The following PYGO1 variants were observed in gnomAD, a reference collection of about 807,000 sequenced individuals.
PYGO1 encodes pygopus homolog 1.
PYGO1 carries 6 observed loss-of-function variants against 29.5 expected under a neutral mutation model. The ratio of observed to expected loss-of-function variants is 0.20; its 90% CI spans 0.11 to 0.40. The LOEUF is 0.40. Ranked by LOEUF, PYGO1 falls within the 10% of genes least tolerant of loss-of-function variation. PYGO1 has a pLI of 1.00. For missense variants in PYGO1, 515 were observed against 514.9 expected, an observed-to-expected ratio of 1.00 and a Z score of 0.00; for synonymous variants, 186 against 180.5, an observed-to-expected ratio of 1.03 and a Z score of -0.24.
At chr15:55,560,228 G>A (rs1388892341) in intron 1 of PYGO1, among the ~76,000 whole-genome samples, 3 of 152,092 alleles carry the variant, frequency 2.0e-5, no homozygotes, top group Non-Finnish European at 2.9e-5. Context: ...CAAATAGGAT[G>A]ATAATAAGTC....
chr15:55,558,666 C>A (rs962273797), intron 1 of PYGO1, among the ~76,000 whole-genome samples: 1 of 151,818 alleles, frequency 6.6e-6, no homozygotes, highest in African/African-American at 2.4e-5. Flanking sequence ...ACCAATGGAA[C>A]AGAACAGAGC....
rs1288720284 is a variant in PYGO1, at chr15:55,543,081, G to A, written c.*2942C>T. The A allele has an allele frequency of 6.6e-6, 1 of 151,572 alleles. No homozygotes were observed. The highest frequency in any genetic ancestry group is 6.6e-5 in the Admixed American group (1 of 15,192). The allele number at this position is 151,572 out of a possible 1,614,324, so 9.4% of individuals were successfully genotyped here. ...ATGTTGGAGAAACTGTGGGGGGTGT[G>A]TGTGTGTGTGTGTGTGTGTAAGATG... On this transcript the variant is annotated 3_prime_UTR_variant, in exon 3 of 3. Coordinates refer to ENST00000563719, the MANE Select transcript of PYGO1 (RefSeq NM_001367806.1).
chr15:55,555,388 C>G (rs370371767), intron 1 of PYGO1, among the ~76,000 whole-genome samples: 21 of 151,510 alleles, frequency 1.4e-4, no homozygotes, highest in African/African-American at 4.9e-4. Context: ...AAAACTGTTG[C>G]CAGCCAGTAC....
chr15:55,564,009 C>T (rs2058944477), intron 1 of PYGO1, among the ~76,000 whole-genome samples: 2 of 152,120 alleles, frequency 1.3e-5, no homozygotes, highest in Admixed American at 1.3e-4. Flanking sequence ...AACAGTTTGG[C>T]AGTTCCTCAA....
At chr15:55,582,310 G>A (rs1215702745) in intron 1 of PYGO1, among the ~76,000 whole-genome samples, 2 of 151,954 alleles carry the variant, frequency 1.3e-5, no homozygotes, top group Non-Finnish European at 2.9e-5. Flanking sequence ...CCCCAAGAGA[G>A]GGAATATGGT....
Position 55,564,805 on chromosome 15 carries a change from C to G in PYGO1, c.50-15810G>C, listed in dbSNP as rs112097876. Reference sequence around the variant, plus strand: ...AGTTCAAAAATCAGAAATTGGGCTGCGTTCTCTGCTCAGGATATCAAGGTA... The same window carrying G: ...AGTTCAAAAATCAGAAATTGGGCTGGGTTCTCTGCTCAGGATATCAAGGTA... On this transcript the variant is annotated intron_variant, in intron 1 of 2. Coordinates refer to ENST00000563719, the MANE Select transcript of PYGO1 (RefSeq NM_001367806.1). Among the ~76,000 whole-genome samples, 401 of 152,290 alleles carry G rather than the reference C, an allele frequency of 2.6e-3. 1 individual carries two copies. Among genetic ancestry groups the G allele is most frequent in the African/African-American group, 9.2e-3 (382 of 41,560 alleles).
chr15:55,581,975 G>A (rs1211351184), intron 1 of PYGO1, among the ~76,000 whole-genome samples: 2 of 149,342 alleles, frequency 1.3e-5, no homozygotes, highest in Middle Eastern at 3.4e-3. Context: ...GGGAGGCTGA[G>A]GTGGGCGGAT....
intron 1 of PYGO1, among the ~76,000 whole-genome samples, chr15:55,582,424 G>C (rs1252479872): frequency 6.6e-6 from 1 of 151,934 alleles, no homozygotes; most frequent in African/African-American, 2.4e-5. Flanking sequence ...TCCTTCATTA[G>C]CTGTAACACC....
intron 1 of PYGO1, among the ~76,000 whole-genome samples, chr15:55,568,320 CTG>C (rs58177433): frequency 0.053 from 6,677 of 125,772 alleles, 223 homozygotes; most frequent in African/African-American, 0.12. Context: ...TTCCTAGGTA[CTG>C]TGTGTGTGTG....
rs1003487050 is a variant in PYGO1, at chr15:55,543,106, G to C, written c.*2917C>G. ...GTGTGTGTGTGTGTGTGTGTAAGAT[G>C]AGGACTTTCAGTGAAGGAAAGGGAT... On this transcript the variant is annotated 3_prime_UTR_variant, in exon 3 of 3. Coordinates refer to ENST00000563719, the MANE Select transcript of PYGO1 (RefSeq NM_001367806.1). 10 of 149,050 alleles carry C rather than the reference G, an allele frequency of 6.7e-5. No homozygotes were observed. Among genetic ancestry groups the C allele is most frequent in the Admixed American group, 2.7e-4 (4 of 14,876 alleles). 9.2% of individuals were successfully genotyped at this position (149,050 alleles called of 1,614,324 possible). A position where few individuals can be genotyped will look rare whatever the true frequency, so the allele number is the denominator to read the frequency against.
chr15:55,565,791 C>CTTTTTTTTTTTTTTTTTTTTTTTTTTTT (rs2058953829), intron 1 of PYGO1, among the ~76,000 whole-genome samples: 3 of 151,854 alleles, frequency 2.0e-5, no homozygotes, highest in African/African-American at 7.2e-5. Flanking sequence ...GCCATTTTTT[C>CTTTTTTTTTTTTTTTTTTTTTTTTTTTT]TTTTCTTTTC....
rs2058843846 is a variant in PYGO1 at position 55,545,093 on chromosome 15, ACT to A, written c.*928_*929del. 7.4e-6 allele frequency: 1 copy of A among 135,910 alleles called. No individual in the cohort carries two copies. Among genetic ancestry groups the A allele is most frequent in the Non-Finnish European group, 1.7e-5 (1 of 59,134 alleles). The allele number at this position is 135,910 out of a possible 1,614,324, so 8.4% of individuals were successfully genotyped here. ...CCAGAACAAGATTTTTCAAACCACC[ACT>A]GAGTAGTTCTTTTACTAGCAGAGCC... On this transcript the variant is annotated 3_prime_UTR_variant, in exon 3 of 3. Transcript: ENST00000563719.
intron 1 of PYGO1, among the ~76,000 whole-genome samples, chr15:55,563,339 G>A (rs1371291120): frequency 6.6e-6 from 1 of 151,472 alleles, no homozygotes; most frequent in Non-Finnish European, 1.5e-5. Flanking sequence ...TTAGGGAGGA[G>A]GTGGTGGTTG....
intron 1 of PYGO1, among the ~76,000 whole-genome samples, chr15:55,585,403 AAT>A (rs1199708353): frequency 2.0e-5 from 3 of 152,298 alleles, no homozygotes; most frequent in African/African-American, 4.8e-5. Context: ...TGATGATATA[AAT>A]TACATTAAAT....
At chr15:55,573,008 TAAAA>T (rs35553781) in intron 1 of PYGO1, among the ~76,000 whole-genome samples, 1 of 137,636 alleles carries the variant, frequency 7.3e-6, no homozygotes, top group Non-Finnish European at 1.5e-5. Flanking sequence ...ACTCTGTCTT[TAAAA>T]AAAAAAAAAA....
chr15:55,574,177 T>C (rs1286365381), intron 1 of PYGO1, among the ~76,000 whole-genome samples: 1 of 152,204 alleles, frequency 6.6e-6, no homozygotes, highest in African/African-American at 2.4e-5. Context: ...TTTTTTACTG[T>C]GATGTGCAAT....
intron 1 of PYGO1, among the ~76,000 whole-genome samples, chr15:55,572,805 G>A (rs1408361111): frequency 6.6e-6 from 1 of 151,968 alleles, no homozygotes; most frequent in Non-Finnish European, 1.5e-5. Context: ...CTAGTCAACA[G>A]GGAAATCAAA....
rs748562151 is a variant in PYGO1, at chr15:55,546,996, G to C, written c.287C>G (p.Pro96Arg). The stretch of plus-strand genomic sequence containing the variant: ...GAATGTACTATAGCCTCCAAAGCCA[G>C]GATAACCAGGGCCAAGATATGGATT... ...SSNPYLGPGY[P>R]GFGGYSTFRM... is the part of the protein sequence containing the mutation. The change falls in exon 3 of 3, where the codon CCT (proline) becomes CGT (arginine). Residue 96 changes from proline to arginine, a missense_variant. Coordinates refer to ENST00000563719, the MANE Select transcript of PYGO1 (RefSeq NM_001367806.1). 1 of 1,614,014 alleles carries C rather than the reference G, an allele frequency of 6.2e-7. No homozygotes were observed. The highest frequency in any genetic ancestry group is 8.5e-7 in the Non-Finnish European group (1 of 1,179,958).
intron 1 of PYGO1, among the ~76,000 whole-genome samples, chr15:55,572,016 T>C (rs546859062): frequency 6.6e-6 from 1 of 152,064 alleles, no homozygotes; most frequent in Non-Finnish European, 1.5e-5. Flanking sequence ...TATCTACAGA[T>C]TCAATATAAT....
Sources: allele counts gnomAD v4.1 joint callset (sites outside exome capture counted in the v4.1 genomes callset), GRCh38; gene constraint gnomAD v4.1.1; transcripts MANE v1.5; gene names NCBI Gene and HGNC (gene_info 2026-07-23, HGNC 2026-07-21).